The following PRKCB variants were observed in gnomAD, a reference collection of about 807,000 sequenced individuals.
PRKCB encodes protein kinase C beta type.
In PRKCB, 13 loss-of-function variants were observed where a neutral mutation model predicts 81.5. The observed-to-expected ratio is 0.16, with a 90% CI of 0.10 to 0.25. The LOEUF is 0.25. Among genes scored for constraint, PRKCB ranks in the 10% least tolerant of loss-of-function variants. The probability of loss-of-function intolerance (pLI) is 1.00; values close to 1 mark genes in which losing one functional copy is unlikely to be tolerated. For synonymous variants in PRKCB, 335 were observed against 321.4 expected, an observed-to-expected ratio of 1.04 and a Z score of -0.45; for missense variants, 509 against 875.7, an observed-to-expected ratio of 0.58 and a Z score of 5.29.
chr16:24,194,530 C>T (rs1967850880), intron 16 of PRKCB, among the ~76,000 whole-genome samples: 1 of 152,192 alleles, frequency 6.6e-6, no homozygotes. Flanking sequence ...TAGCCAGCAT[C>T]TGTTAGCAAT....
intron 2 of PRKCB, among the ~76,000 whole-genome samples, chr16:23,950,132 A>AGGTTTTTTTTTT (rs55986931): frequency 1.0e-5 from 1 of 97,760 alleles, no homozygotes. Context: ...TATGATTTGA[A>AGGTTTTTTTTTT]TTTTTTTTTT....
At chr16:23,863,206 G>GTA (rs1321862427) in intron 2 of PRKCB, among the ~76,000 whole-genome samples, 49 of 60,544 alleles carry the variant, frequency 8.1e-4, no homozygotes, top group African/African-American at 1.7e-3. Context: ...GTATATATGT[G>GTA]TATATATACA....
chr16:23,895,897 T>C (rs1395246834), intron 2 of PRKCB, among the ~76,000 whole-genome samples: 1 of 152,242 alleles, frequency 6.6e-6, no homozygotes, highest in Non-Finnish European at 1.5e-5. Flanking sequence ...ATTTTTATGC[T>C]TTACATTTTA....
At chr16:23,879,297 A>T (rs1286257278) in intron 2 of PRKCB, among the ~76,000 whole-genome samples, 1 of 152,074 alleles carries the variant, frequency 6.6e-6, no homozygotes, top group Non-Finnish European at 1.5e-5. Context: ...CTGAAGCAGT[A>T]GGAGATATGG....
intron 5 of PRKCB, among the ~76,000 whole-genome samples, chr16:24,053,648 C>T (rs1965868761): frequency 6.6e-6 from 1 of 152,172 alleles, no homozygotes; most frequent in African/African-American, 2.4e-5. Flanking sequence ...CAGGCAGTCA[C>T]TGAGATGGGG....
intron 10 of PRKCB, among the ~76,000 whole-genome samples, chr16:24,164,207 A>G (rs1967307339): frequency 6.6e-6 from 1 of 152,190 alleles, no homozygotes; most frequent in Non-Finnish European, 1.5e-5. Flanking sequence ...TCTTAGGGGA[A>G]GATTGTCTCT....
At chr16:24,185,725 C>T (rs1200507075) in intron 15 of PRKCB, among the ~76,000 whole-genome samples, 158 bp downstream of exon 15, 1 of 152,212 alleles carries the variant, frequency 6.6e-6, no homozygotes, top group Non-Finnish European at 1.5e-5. Context: ...TGCTACCTCC[C>T]GGAGGAGAGA....
At chr16:24,119,286 A>G (rs1212377340) in intron 8 of PRKCB, among the ~76,000 whole-genome samples, 1 of 152,076 alleles carries the variant, frequency 6.6e-6, no homozygotes, top group African/African-American at 2.4e-5. Flanking sequence ...TCTAGTGCTG[A>G]GGGATGAGGC....
At chr16:24,197,950 G>A (rs1967902968) in intron 16 of PRKCB, among the ~76,000 whole-genome samples, 1 of 152,214 alleles carries the variant, frequency 6.6e-6, no homozygotes, top group African/African-American at 2.4e-5. Flanking sequence ...CTGTGATACA[G>A]AGCGCTGGCT....
chr16:24,177,877 A>C (rs1283603338), intron 12 of PRKCB, among the ~76,000 whole-genome samples: 2 of 152,190 alleles, frequency 1.3e-5, no homozygotes, highest in African/African-American at 4.8e-5. Context: ...TCCTTTGATG[A>C]ATTCCTTTTC....
At chr16:23,870,163 A>G (rs1385473775) in intron 2 of PRKCB, among the ~76,000 whole-genome samples, 2 of 152,256 alleles carry the variant, frequency 1.3e-5, no homozygotes, top group East Asian at 1.9e-4. Flanking sequence ...TTCAAAACAT[A>G]CAAGCACCAA....
intron 2 of PRKCB, among the ~76,000 whole-genome samples, chr16:23,881,836 C>A (rs529744960): frequency 5.7e-4 from 86 of 151,906 alleles, no homozygotes; most frequent in African/African-American, 2.0e-3. Flanking sequence ...TTTCTTCCTC[C>A]CCACCGAGCC....
intron 4 of PRKCB, 55 bp from the exon 5 acceptor site, chr16:24,035,364 T>C: frequency 6.3e-7 from 1 of 1,588,120 alleles, no homozygotes; most frequent in Non-Finnish European, 8.6e-7. Flanking sequence ...GGCAGATGTC[T>C]GCAGCCCCCA....
At chr16:24,055,773 C>T (rs1965896205) in intron 5 of PRKCB, among the ~76,000 whole-genome samples, 1 of 152,202 alleles carries the variant, frequency 6.6e-6, no homozygotes, top group African/African-American at 2.4e-5. Flanking sequence ...CATCTTTCTG[C>T]TTATTTCTTC....
chr16:24,022,649 G>A (rs930406405), intron 3 of PRKCB, among the ~76,000 whole-genome samples: 5 of 151,966 alleles, frequency 3.3e-5, no homozygotes, highest in Non-Finnish European at 5.9e-5. Context: ...ATGCCGCCAC[G>A]CCCGGCTAAT....
At chr16:23,870,059 G>T (rs1962879105) in intron 2 of PRKCB, among the ~76,000 whole-genome samples, 1 of 151,214 alleles carries the variant, frequency 6.6e-6, no homozygotes. Flanking sequence ...ATATTATGAA[G>T]TTCTAGCTAG....
intron 2 of PRKCB, among the ~76,000 whole-genome samples, chr16:23,959,760 G>A (rs1964399352): frequency 1.3e-5 from 2 of 152,086 alleles, no homozygotes; most frequent in Non-Finnish European, 2.9e-5. Flanking sequence ...TCACCAAAAG[G>A]GAAAATATTA....
intron 16 of PRKCB, among the ~76,000 whole-genome samples, chr16:24,201,522 T>A (rs1967956827): frequency 6.6e-6 from 1 of 152,190 alleles, no homozygotes; most frequent in South Asian, 2.1e-4. Context: ...AGCCTAGGAC[T>A]CAATCTTTTT....
At chr16:23,956,619 G>A (rs1434394460) in intron 2 of PRKCB, among the ~76,000 whole-genome samples, 1 of 152,152 alleles carries the variant, frequency 6.6e-6, no homozygotes, top group Non-Finnish European at 1.5e-5. Flanking sequence ...AATAGATATT[G>A]CTAAATTGCT....
Sources: gnomAD v4.1 joint callset for allele counts (sites outside exome capture counted in the v4.1 genomes callset) on GRCh38, gnomAD v4.1.1 for gene constraint, MANE v1.5 for transcripts, NCBI Gene and HGNC (gene_info 2026-07-23, HGNC 2026-07-21) for gene names.